MAPK8: variants seen among roughly 807,000 people sequenced by gnomAD.
MAPK8 encodes the protein JUN N-terminal kinase.
In MAPK8, 13 loss-of-function variants were observed where a neutral mutation model predicts 52.9. That is an observed-to-expected ratio of 0.25 (90% CI 0.16 to 0.39). The LOEUF (loss-of-function observed/expected upper bound fraction) is 0.39. MAPK8 is among the 10% of genes least tolerant of loss of function. The probability of loss-of-function intolerance (pLI) is 1.00; values close to 1 mark genes in which losing one functional copy is unlikely to be tolerated. For missense variants in MAPK8, 300 were observed against 519.2 expected (o/e 0.58, Z 4.10); for synonymous variants, 191 against 169.8 (o/e 1.12, Z -0.97).
At chr10:48,382,950 A>G (rs1045031382) in intron 1 of MAPK8, among the ~76,000 whole-genome samples, 2 of 146,604 alleles carry the variant, frequency 1.4e-5, no homozygotes, top group African/African-American at 5.0e-5. Context: ...GTATATATAT[A>G]TGTATATATA....
At chr10:48,340,368 A>G (rs1163459606) in intron 1 of MAPK8, among the ~76,000 whole-genome samples, 1 of 152,160 alleles carries the variant, frequency 6.6e-6, no homozygotes, top group African/African-American at 2.4e-5. Flanking sequence ...GCAAAGATGG[A>G]AACAGTAGAC....
chr10:48,356,402 C>G (rs1441548986), intron 1 of MAPK8, among the ~76,000 whole-genome samples: 2 of 151,740 alleles, frequency 1.3e-5, no homozygotes, highest in African/African-American at 4.8e-5. Context: ...ATATGAAATC[C>G]AAAAGGAGAA....
intron 5 of MAPK8, among the ~76,000 whole-genome samples, chr10:48,415,298 G>A (rs2043003698): frequency 6.6e-6 from 1 of 152,112 alleles, no homozygotes; most frequent in East Asian, 1.9e-4. Flanking sequence ...CATTGTGGAA[G>A]TTCATTTGAT....
intron 1 of MAPK8, among the ~76,000 whole-genome samples, chr10:48,396,652 G>C (rs1429395395): frequency 2.0e-5 from 3 of 152,144 alleles, no homozygotes; most frequent in Non-Finnish European, 4.4e-5. Context: ...GAACAGCTTT[G>C]TCATAGCCAG....
Position 48,435,229 on chromosome 10 carries a change from A to G in MAPK8, c.*200A>G. 2.2e-6 allele frequency: 1 copy of G among 451,530 alleles called. No individual in the cohort carries two copies. Among genetic ancestry groups the G allele is most frequent in the Non-Finnish European group, 3.9e-6 (1 of 258,252 alleles). The allele number at this position is 451,530 out of a possible 1,614,324, so 28.0% of individuals were successfully genotyped here. A position where few individuals can be genotyped will look rare whatever the true frequency, so the allele number is the denominator to read the frequency against. On this transcript the variant is annotated 3_prime_UTR_variant, in exon 12 of 12. Transcript: ENST00000374189. ...AGTTGTGTTTCAAAACAGCAACAAA[A>G]CTGTATTGTATTTTTTTTGCTGTAA...
At chr10:48,343,330 C>G (rs1030152896) in intron 1 of MAPK8, among the ~76,000 whole-genome samples, 18 of 152,146 alleles carry the variant, frequency 1.2e-4, no homozygotes, top group Non-Finnish European at 2.2e-4. Context: ...ACTGCCTACA[C>G]GGTCAGATTG....
chr10:48,374,132 T>C (rs945768914), intron 1 of MAPK8, among the ~76,000 whole-genome samples: 1 of 152,126 alleles, frequency 6.6e-6, no homozygotes, highest in African/African-American at 2.4e-5. Flanking sequence ...AGCAACCTGC[T>C]CCTGAATGAC....
At chr10:48,430,839 G>A in intron 10 of MAPK8, 1 of 256,754 alleles carries the variant, frequency 3.9e-6, no homozygotes. Flanking sequence ...CGTGGTTCAA[G>A]CCCTCCCTGA....
intron 1 of MAPK8, among the ~76,000 whole-genome samples, chr10:48,359,897 G>A (rs901025185): frequency 6.6e-6 from 1 of 152,302 alleles, no homozygotes; most frequent in South Asian, 2.1e-4. Flanking sequence ...AGGATTGATC[G>A]GTTCAGCTAC....
At chr10:48,360,207 T>A (rs1344387034) in intron 1 of MAPK8, among the ~76,000 whole-genome samples, 1 of 152,000 alleles carries the variant, frequency 6.6e-6, no homozygotes, top group Admixed American at 6.6e-5. Flanking sequence ...CTCGAACAGT[T>A]GAACTAGAAA....
chr10:48,430,664 T>C (rs1170520080), intron 10 of MAPK8: 1 of 153,870 alleles, frequency 6.5e-6, no homozygotes. Context: ...GAAATGTAGC[T>C]TACCTGCTAG....
chr10:48,370,657 TAGG>T (rs1206487801), intron 1 of MAPK8, among the ~76,000 whole-genome samples: 3 of 152,108 alleles, frequency 2.0e-5, no homozygotes, highest in African/African-American at 7.2e-5. Context: ...AATAGCGTCT[TAGG>T]AGATTTTCCT....
chr10:48,321,864 AG>A (rs1843029702), intron 1 of MAPK8, among the ~76,000 whole-genome samples: 1 of 152,158 alleles, frequency 6.6e-6, no homozygotes, highest in African/African-American at 2.4e-5. Flanking sequence ...GTCTATTCTT[AG>A]GTTCCCACGG....
chr10:48,307,870 A>G (rs1423796113), intron 1 of MAPK8, among the ~76,000 whole-genome samples: 1 of 152,210 alleles, frequency 6.6e-6, no homozygotes, highest in Non-Finnish European at 1.5e-5. Flanking sequence ...TTTGGTGTGA[A>G]GGTAAAGTAT....
chr10:48,339,052 A>G (rs773352377), intron 1 of MAPK8, among the ~76,000 whole-genome samples: 40 of 152,146 alleles, frequency 2.6e-4, no homozygotes, highest in Non-Finnish European at 5.0e-4. Context: ...CAAATTACCA[A>G]TGTGATTTTT....
intron 1 of MAPK8, among the ~76,000 whole-genome samples, chr10:48,312,022 C>T (rs1842028479): frequency 6.6e-6 from 1 of 152,166 alleles, no homozygotes; most frequent in African/African-American, 2.4e-5. Flanking sequence ...CATTTATGTC[C>T]TAACACAAGG....
chr10:48,424,186 A>T, intron 7 of MAPK8, 27 bp downstream of exon 7: 1 of 1,587,196 alleles, frequency 6.3e-7, no homozygotes, highest in Admixed American at 1.7e-5. Context: ...GCAGCAGTTA[A>T]TTAGTTAGGC....
At position 48,435,904 on chromosome 10, in the gene MAPK8, C is replaced by T. The variant is rs2044814718; in HGVS notation, c.*875C>T. On this transcript the variant is annotated 3_prime_UTR_variant, in exon 12 of 12. Coordinates refer to ENST00000374189, the MANE Select transcript of MAPK8 (RefSeq NM_001323329.2). ...CTAGCTATGAGCCTGTTTTTGTATA[C>T]ACTGAGTTAATCTACTCAGGCTGTA... The T allele has an allele frequency of 6.6e-6, 1 of 152,202 alleles. No homozygotes were observed. Among genetic ancestry groups the T allele is most frequent in the South Asian group, 2.1e-4 (1 of 4,834 alleles). 9.4% of individuals were successfully genotyped at this position (152,202 alleles called of 1,614,324 possible).
intron 5 of MAPK8, among the ~76,000 whole-genome samples, chr10:48,413,743 G>T (rs1303367409): frequency 7.0e-6 from 1 of 142,026 alleles, no homozygotes; most frequent in East Asian, 2.1e-4. Flanking sequence ...ATAAACTGCT[G>T]TTATTACCAG....
Sources: allele counts gnomAD v4.1 joint callset (sites outside exome capture counted in the v4.1 genomes callset), GRCh38; gene constraint gnomAD v4.1.1; transcripts MANE v1.5; gene names NCBI Gene and HGNC (gene_info 2026-07-23, HGNC 2026-07-21).